Variants in NUDT13 observed in about 807,000 individuals in gnomAD.
NUDT13 encodes nudix hydrolase 13.
In NUDT13, 40 loss-of-function variants were observed where a neutral mutation model predicts 41.7. The observed-to-expected ratio is 0.96, with a 90% CI of 0.75 to 1.25. NUDT13 has a LOEUF of 1.25. NUDT13 is among the 50% of genes most tolerant of loss of function. The pLI, the probability that NUDT13 is intolerant of heterozygous loss-of-function variation, is 0.00. For missense variants in NUDT13, 390 were observed against 416.1 expected, an observed-to-expected ratio of 0.94 and a Z score of 0.55; for synonymous variants, 145 against 155.5, an observed-to-expected ratio of 0.93 and a Z score of 0.50.
At chr10:73,115,637 AC>A (rs1451981279) in intron 2 of NUDT13, among the ~76,000 whole-genome samples, 1 of 152,234 alleles carries the variant, frequency 6.6e-6, no homozygotes, top group Non-Finnish European at 1.5e-5. Flanking sequence ...GAATGAATGA[AC>A]AGTAAGGGAG....
chr10:73,128,372 CT>C (rs1842841324), intron 8 of NUDT13, among the ~76,000 whole-genome samples: 1 of 152,016 alleles, frequency 6.6e-6, no homozygotes, highest in Non-Finnish European at 1.5e-5. Flanking sequence ...TCTCTACATC[CT>C]TACCAATACT....
intron 4 of NUDT13, 143 bp downstream of exon 4, chr10:73,122,452 T>A: frequency 1.4e-6 from 1 of 738,746 alleles, no homozygotes; most frequent in South Asian, 1.9e-5. Context: ...TTAAAAAGTG[T>A]CATCTGCTAT....
rs532124308 is a variant in NUDT13, at chr10:73,131,137, A to C, written c.*234A>C. On this transcript the variant is annotated 3_prime_UTR_variant, in exon 9 of 9. Transcript: ENST00000357321. ...AAACTGATGAGCTGTCAACTGTCAAAAATCAGGGGGAAGGGGGAAGCATTA... is the reference window on the plus strand; with the variant it reads ...AAACTGATGAGCTGTCAACTGTCAACAATCAGGGGGAAGGGGGAAGCATTA... The C allele has an allele frequency of 2.4e-6, 1 of 410,418 alleles. No individual in the cohort carries two copies. Among genetic ancestry groups the C allele is most frequent in the Middle Eastern group, 7.5e-4 (1 of 1,330 alleles). The allele number at this position is 410,418 out of a possible 1,614,324, so 25.4% of individuals were successfully genotyped here. A position where few individuals can be genotyped will look rare whatever the true frequency, so the allele number is the denominator to read the frequency against.
chr10:73,119,793 T>C (rs966148622), intron 2 of NUDT13, among the ~76,000 whole-genome samples: 9 of 152,068 alleles, frequency 5.9e-5, no homozygotes, highest in Non-Finnish European at 4.4e-5. Context: ...AATAAACCAA[T>C]AGTGCAACCA....
chr10:73,120,457 A>G (rs1485131175), intron 3 of NUDT13, among the ~76,000 whole-genome samples: 2 of 152,220 alleles, frequency 1.3e-5, no homozygotes, highest in Non-Finnish European at 2.9e-5. Flanking sequence ...TTATTGGAAC[A>G]TAGACGTACT....
At chr10:73,117,576 A>C (rs2133207932) in intron 2 of NUDT13, among the ~76,000 whole-genome samples, 1 of 151,592 alleles carries the variant, frequency 6.6e-6, no homozygotes, top group African/African-American at 2.4e-5. Context: ...AAAAAAAAAG[A>C]ATAAAAGTCT....
intron 2 of NUDT13, 24 bp from the exon 3 acceptor site, chr10:73,119,994 G>A: frequency 6.2e-7 from 1 of 1,613,506 alleles, no homozygotes; most frequent in Non-Finnish European, 8.5e-7. Context: ...GTTTTGTAAT[G>A]GTTTGATTAT....
intron 2 of NUDT13, among the ~76,000 whole-genome samples, chr10:73,117,124 C>G (rs1306976325): frequency 6.6e-6 from 1 of 150,926 alleles, no homozygotes; most frequent in African/African-American, 2.4e-5. Context: ...ACCTTGTGAT[C>G]CACCCACCTC....
chr10:73,120,453 G>T (rs1842616185), intron 3 of NUDT13, among the ~76,000 whole-genome samples: 1 of 152,144 alleles, frequency 6.6e-6, no homozygotes, highest in African/African-American at 2.4e-5. Context: ...ATTTTTATTG[G>T]AACATAGACG....
chr10:73,116,841 T>C (rs1842524772), intron 2 of NUDT13, among the ~76,000 whole-genome samples: 1 of 151,792 alleles, frequency 6.6e-6, no homozygotes, highest in Non-Finnish European at 1.5e-5. Context: ...TGTTGGACAT[T>C]TAGATTGCGT....
At chr10:73,116,468 G>A (rs899644389) in intron 2 of NUDT13, among the ~76,000 whole-genome samples, 2 of 152,128 alleles carry the variant, frequency 1.3e-5, no homozygotes, top group African/African-American at 4.8e-5. Context: ...TAAAGGCTGG[G>A]TGCAGTGGCT....
intron 2 of NUDT13, among the ~76,000 whole-genome samples, chr10:73,118,497 A>G (rs1842567969): frequency 6.6e-6 from 1 of 152,158 alleles, no homozygotes; most frequent in Non-Finnish European, 1.5e-5. Context: ...AAAATGGCTA[A>G]TCCCAAGGCC....
At position 73,126,653 on chromosome 10, in the gene NUDT13, A is replaced by G; in HGVS notation, c.704-20A>G. The G allele has an allele frequency of 6.2e-7, 1 of 1,613,600 alleles. No homozygotes were observed. Among genetic ancestry groups the G allele is most frequent in the Non-Finnish European group, 8.5e-7 (1 of 1,179,806 alleles). ...CTTCTAGCCTACAGGGCTGTCCTGA[A>G]TTAATCTGAGTGCTTGTAGGTGAAA... On this transcript the variant is annotated intron_variant, in intron 7 of 8. Coordinates refer to ENST00000357321, the MANE Select transcript of NUDT13 (RefSeq NM_015901.6).
In NUDT13 at chr10:73,125,094, C is replaced by G. The variant is rs202085824; in HGVS notation, c.466-24C>G. The G allele has an allele frequency of 1.7e-4, 272 of 1,595,704 alleles. 1 individual carries two copies. Among genetic ancestry groups the G allele is most frequent in the Non-Finnish European group, 2.2e-4 (256 of 1,172,520 alleles). On this transcript the variant is annotated intron_variant, in intron 5 of 8. Coordinates refer to ENST00000357321, the MANE Select transcript of NUDT13 (RefSeq NM_015901.6). ...AGCCCCGCATTCTCTCCAAATGACA[C>G]CAGGCCCATCATTGTGTTCCTAGGC...
At chr10:73,118,031 G>A (rs1478515035) in intron 2 of NUDT13, among the ~76,000 whole-genome samples, 1 of 152,178 alleles carries the variant, frequency 6.6e-6, no homozygotes, top group Non-Finnish European at 1.5e-5. Flanking sequence ...GGGTGTTTTT[G>A]TAGGTGTTTT....
chr10:73,116,876 A>ATTTTTTTTTTTTTTTTTTTTTTTTTTT (rs56229464), intron 2 of NUDT13, among the ~76,000 whole-genome samples: 2 of 81,868 alleles, frequency 2.4e-5, no homozygotes, highest in African/African-American at 9.8e-5. Context: ...GACTACAAGA[A>ATTTTTTTTTTTTTTTTTTTTTTTTTTT]TTTTTTTTTT....
chr10:73,126,597 C>T (rs1235309841), intron 7 of NUDT13, 76 bp from the exon 8 acceptor site: 17 of 1,515,558 alleles, frequency 1.1e-5, no homozygotes, highest in Non-Finnish European at 1.5e-5. Context: ...CAGTGTTGTG[C>T]ACCTTTCTCA....
intron 2 of NUDT13, 60 bp downstream of exon 2, chr10:73,114,508 A>G: frequency 3.9e-6 from 3 of 762,440 alleles, no homozygotes; most frequent in Non-Finnish European, 6.2e-6. Flanking sequence ...CTATTGTGAT[A>G]TTATGATTTT....
intron 8 of NUDT13, among the ~76,000 whole-genome samples, chr10:73,129,815 T>C (rs1589671636): frequency 6.6e-6 from 1 of 151,680 alleles, no homozygotes; most frequent in Middle Eastern, 3.4e-3. Context: ...CCGTCTCTAC[T>C]AAAAATACAA....
Sources: allele counts gnomAD v4.1 joint callset (sites outside exome capture counted in the v4.1 genomes callset), GRCh38; gene constraint gnomAD v4.1.1; transcripts MANE v1.5; gene names NCBI Gene and HGNC (gene_info 2026-07-23, HGNC 2026-07-21).